Variants in MAF observed in about 807,000 individuals in gnomAD.
MAF encodes the protein transcription factor Maf.
Under a neutral mutation model 22.0 loss-of-function variants are expected in MAF, and 10 were observed. The ratio of observed to expected loss-of-function variants is 0.45; its 90% confidence interval spans 0.28 to 0.77. MAF has a LOEUF of 0.77. Ranked by LOEUF, MAF falls within the 30% of genes least tolerant of loss-of-function variation. The pLI is 0.12. For synonymous variants in MAF, 337 were observed against 255.8 expected, an observed-to-expected ratio of 1.32 and a Z score of -3.03; for missense variants, 544 against 548.4, an observed-to-expected ratio of 0.99 and a Z score of 0.08.
chr16:79,595,482 T>A, intron 1 of MAF: 1 of 1,059,160 alleles, frequency 9.4e-7, no homozygotes, highest in Non-Finnish European at 1.1e-6. Context: ...TTCAAAACAG[T>A]GCTGGCTTTG....
the MAF span, among the ~76,000 whole-genome samples, chr16:79,398,555 G>A: frequency 6.6e-6 from 1 of 152,086 alleles, no homozygotes; most frequent in Non-Finnish European, 1.5e-5. Flanking sequence ...TAGCAGAGAC[G>A]GAGTATCCTA....
the MAF span, among the ~76,000 whole-genome samples, chr16:79,222,751 C>G: frequency 6.6e-6 from 1 of 151,986 alleles, no homozygotes; most frequent in Non-Finnish European, 1.5e-5. Flanking sequence ...CAGTTTAAAC[C>G]AACAAGATCA....
chr16:79,349,813 G>A, the MAF span, among the ~76,000 whole-genome samples: 4 of 152,288 alleles, frequency 2.6e-5, no homozygotes, highest in East Asian at 3.9e-4. Flanking sequence ...TTGCCTGTGC[G>A]TTGTGAAAGG....
At chr16:79,476,719 G>A in the MAF span, among the ~76,000 whole-genome samples, 15 of 152,162 alleles carry the variant, frequency 9.9e-5, no homozygotes, top group Admixed American at 8.5e-4. Context: ...AGACAACTGT[G>A]GTGAGAAGGC....
At chr16:79,588,968 A>C (rs1234025256), downstream of MAF, among the ~76,000 whole-genome samples, 1 of 152,196 alleles carries the variant, frequency 6.6e-6, no homozygotes, top group Non-Finnish European at 1.5e-5. Context: ...TTCTATGAAA[A>C]ACAAGATTTA....
At chr16:79,294,347 A>G in the MAF span, among the ~76,000 whole-genome samples, 256 of 152,318 alleles carry the variant, frequency 1.7e-3, 1 homozygote, top group African/African-American at 5.7e-3. Flanking sequence ...TGTCTATAAA[A>G]GACTGTTTCT....
the MAF span, among the ~76,000 whole-genome samples, chr16:79,421,101 A>G: frequency 2.0e-5 from 3 of 152,238 alleles, no homozygotes. Flanking sequence ...GTTCTATTTT[A>G]TTATTAGCCG....
At chr16:79,205,593 T>C in the MAF span, 1 of 152,226 alleles carries the variant, frequency 6.6e-6, no homozygotes, top group Non-Finnish European at 1.5e-5. Flanking sequence ...CTTCATTGTT[T>C]CTTTTTGGGA....
chr16:79,244,856 T>C, the MAF span, among the ~76,000 whole-genome samples: 1 of 152,008 alleles, frequency 6.6e-6, no homozygotes, highest in Non-Finnish European at 1.5e-5. Context: ...CTGGTACTGG[T>C]ACCAAAACAG....
chr16:79,422,466 C>T, the MAF span, among the ~76,000 whole-genome samples: 1 of 152,134 alleles, frequency 6.6e-6, no homozygotes, highest in African/African-American at 2.4e-5. Flanking sequence ...TGATTCCCAC[C>T]TTGACCATTT....
chr16:79,278,036 C>T, the MAF span, among the ~76,000 whole-genome samples: 23 of 152,084 alleles, frequency 1.5e-4, no homozygotes, highest in Non-Finnish European at 7.4e-5. Context: ...TAATTGGTGC[C>T]CCTGGGGTAA....
the MAF span, among the ~76,000 whole-genome samples, chr16:79,220,950 C>T: frequency 1.3e-5 from 2 of 152,200 alleles, no homozygotes; most frequent in African/African-American, 2.4e-5. Context: ...ATGCAACTCT[C>T]TTTCCCGTCT....
At chr16:79,513,547 G>A in the MAF span, among the ~76,000 whole-genome samples, 14 of 152,008 alleles carry the variant, frequency 9.2e-5, no homozygotes, top group African/African-American at 3.4e-4. Context: ...CTAGCAAAGT[G>A]GTTGTGAGCA....
the MAF span, among the ~76,000 whole-genome samples, chr16:79,374,845 C>A: frequency 6.6e-6 from 1 of 152,194 alleles, no homozygotes; most frequent in Non-Finnish European, 1.5e-5. Flanking sequence ...CAGTCCGTAA[C>A]AGACCAGATA....
At chr16:79,476,601 C>T in the MAF span, among the ~76,000 whole-genome samples, 3 of 152,148 alleles carry the variant, frequency 2.0e-5, no homozygotes, top group Non-Finnish European at 4.4e-5. Flanking sequence ...TCAGATTTTT[C>T]ATCTTCCAAA....
chr16:79,553,841 C>A, the MAF span, among the ~76,000 whole-genome samples: 1 of 152,156 alleles, frequency 6.6e-6, no homozygotes, highest in Non-Finnish European at 1.5e-5. Flanking sequence ...GTAATCCCAG[C>A]ACTTTGGGAG....
At chr16:79,439,253 C>A in the MAF span, among the ~76,000 whole-genome samples, 1 of 144,904 alleles carries the variant, frequency 6.9e-6, no homozygotes, top group African/African-American at 2.6e-5. Flanking sequence ...GGGGTAGGTA[C>A]TTACTTTTTT....
chr16:79,573,262 G>A, the MAF span, among the ~76,000 whole-genome samples: 1 of 152,168 alleles, frequency 6.6e-6, no homozygotes. Flanking sequence ...CTCTGCATAA[G>A]TTTTAAATGC....
chr16:79,404,232 C>T, the MAF span, among the ~76,000 whole-genome samples: 3 of 147,876 alleles, frequency 2.0e-5, no homozygotes, highest in African/African-American at 2.5e-5. Context: ...GGCACAATCT[C>T]GGCTCACTGC....
Sources: gnomAD v4.1 joint callset for allele counts (sites outside exome capture counted in the v4.1 genomes callset) on GRCh38, gnomAD v4.1.1 for gene constraint, MANE v1.5 for transcripts, NCBI Gene and HGNC (gene_info 2026-07-23, HGNC 2026-07-21) for gene names.